The following PPIG variants were observed in gnomAD, a reference collection of about 807,000 sequenced individuals.
PPIG encodes peptidyl-prolyl cis-trans isomerase G.
PPIG carries 26 observed loss-of-function variants against 87.9 expected under a neutral mutation model. The ratio of observed to expected loss-of-function variants is 0.30; its 90% CI spans 0.22 to 0.41. The LOEUF (loss-of-function observed/expected upper bound fraction) is 0.41. Ranked by LOEUF, PPIG falls within the 10% of genes least tolerant of loss-of-function variation. The pLI, the probability that PPIG is intolerant of heterozygous loss-of-function variation, is 1.00. For synonymous variants in PPIG, 308 were observed against 276.5 expected, an observed-to-expected ratio of 1.11 and a Z score of -1.13; for missense variants, 722 against 879.4, an observed-to-expected ratio of 0.82 and a Z score of 2.26.
Position 169,636,682 on chromosome 2 carries a change from C to T in PPIG, c.1424C>T (p.Ser475Leu). 1.2e-6 allele frequency: 2 copies of T among 1,607,016 alleles called. No homozygotes were observed. The highest frequency in any genetic ancestry group is 1.1e-5 in the South Asian group (1 of 89,032). The change falls in exon 14 of 14, where the codon TCA becomes TTA. Residue 475 changes from serine to leucine, a missense_variant. Physicochemically the swap from Ser to Leu is moderately radical, Grantham distance 145. Transcript: ENST00000260970. ...AAATCAAAGAGTAAAGAAAGAGATT[C>T]AAAACATAATAGAAATGAAGAAAAG... ...KEKSKSKERD[S>L]KHNRNEEKRM...
intron 2 of PPIG, 38 bp from the exon 3 acceptor site, chr2:169,603,988 T>C (rs1381262091): frequency 2.0e-6 from 3 of 1,510,952 alleles, no homozygotes; most frequent in Non-Finnish European, 1.8e-6. Context: ...ATCTTTGCTA[T>C]TTTAGTCTGC....
In PPIG at chr2:169,635,004, T is replaced by C. The variant is rs141692303; in HGVS notation, c.1018-1088T>C. Among the ~76,000 whole-genome samples, 67 of 152,248 alleles carry C rather than the reference T, an allele frequency of 4.4e-4. 1 individual carries two copies. Among genetic ancestry groups the C allele is most frequent in the African/African-American group, 1.4e-3 (59 of 41,544 alleles). ...ATATAAGCACACATTCCATTAGCTG[T>C]GAAAGTAATGATATCAAAACATGTA... On this transcript the variant is annotated intron_variant, in intron 12 of 13. Coordinates refer to ENST00000260970, the MANE Select transcript of PPIG (RefSeq NM_004792.3).
intron 9 of PPIG, among the ~76,000 whole-genome samples, chr2:169,626,648 C>A (rs779922839): frequency 1.3e-5 from 2 of 151,816 alleles, no homozygotes. Context: ...CTTTGGCCTT[C>A]CAAAGTGCTG....
intron 9 of PPIG, among the ~76,000 whole-genome samples, chr2:169,622,956 A>G (rs1685796062): frequency 6.6e-6 from 1 of 152,194 alleles, no homozygotes; most frequent in Admixed American, 6.5e-5. Flanking sequence ...TTCCTGAAAG[A>G]AAACAAAAAG....
chr2:169,586,215 A>G (rs1344842916), intron 1 of PPIG, among the ~76,000 whole-genome samples: 3 of 151,990 alleles, frequency 2.0e-5, no homozygotes, highest in Non-Finnish European at 1.5e-5. Context: ...AGGGTCTTGT[A>G]GTAGGATTCT....
At chr2:169,631,063 A>G (rs1574463967) in intron 10 of PPIG, 76 bp downstream of exon 10, 15 of 1,307,142 alleles carry the variant, frequency 1.1e-5, no homozygotes, top group African/African-American at 1.5e-5. Flanking sequence ...TTTTGGGTCA[A>G]TTATATGAAA....
At chr2:169,608,114 T>C (rs900237892) in intron 6 of PPIG, among the ~76,000 whole-genome samples, 1 of 152,122 alleles carries the variant, frequency 6.6e-6, no homozygotes, top group Non-Finnish European at 1.5e-5. Context: ...AGGACAAATA[T>C]AAATGGAAAG....
At chr2:169,628,671 A>G (rs1346816395) in intron 9 of PPIG, among the ~76,000 whole-genome samples, 1 of 152,020 alleles carries the variant, frequency 6.6e-6, no homozygotes, top group African/African-American at 2.4e-5. Context: ...TAGGCATGGT[A>G]GCCCACACCT....
chr2:169,631,582 G>C (rs1402452081), intron 10 of PPIG, 184 bp from the exon 11 acceptor site: 7 of 1,363,966 alleles, frequency 5.1e-6, no homozygotes, highest in Non-Finnish European at 5.6e-6. Context: ...TGTTTTGTTT[G>C]TTTTTTGATT....
intron 1 of PPIG, among the ~76,000 whole-genome samples, chr2:169,597,416 C>G (rs1685048521): frequency 6.6e-6 from 1 of 152,134 alleles, no homozygotes; most frequent in Non-Finnish European, 1.5e-5. Context: ...ACCTGATCCT[C>G]CTGAGTAGCT....
Position 169,604,074 on chromosome 2 carries a change from T to G in PPIG, c.33T>G (p.Phe11Leu). 2 of 1,613,946 alleles carry G rather than the reference T, an allele frequency of 1.2e-6. No homozygotes were observed. Among genetic ancestry groups the G allele is most frequent in the East Asian group, 2.2e-5 (1 of 44,860 alleles). Residue 11 changes from phenylalanine (F) to leucine (L), a missense_variant, in exon 3 of 14, where the codon TTT becomes TTG. Coordinates refer to ENST00000260970, the MANE Select transcript of PPIG (RefSeq NM_004792.3). MGIKVQRPRC[F>L]FDIAINNQPA... The stretch of plus-strand genomic sequence containing the variant: ...TAAAGGTTCAACGTCCTCGATGTTT[T>G]TTTGACATTGCCATTAACAATCAAC...
Position 169,637,552 on chromosome 2 carries a change from G to T in PPIG, c.*29G>T. On this transcript the variant is annotated 3_prime_UTR_variant, in exon 14 of 14. Transcript: ENST00000260970. ...AGTTATATAAACTTACTTCCATTCT[G>T]TTTCGGATTTTAAGTTTGAGAGACT... 6.7e-7 allele frequency: 1 copy of T among 1,495,152 alleles called. No homozygotes were observed. The highest frequency in any genetic ancestry group is 8.9e-7 in the Non-Finnish European group (1 of 1,128,992). 92.6% of individuals were successfully genotyped at this position (1,495,152 alleles called of 1,614,324 possible).
At chr2:169,631,967 T>C in intron 11 of PPIG, 34 bp downstream of exon 11, 1 of 1,518,092 alleles carries the variant, frequency 6.6e-7, no homozygotes, top group Non-Finnish European at 8.9e-7. Flanking sequence ...CTTACATGGT[T>C]TACCATAGAA....
At chr2:169,624,992 T>C (rs905179287) in intron 9 of PPIG, among the ~76,000 whole-genome samples, 1 of 152,198 alleles carries the variant, frequency 6.6e-6, no homozygotes, top group Non-Finnish European at 1.5e-5. Flanking sequence ...ATTGTATATA[T>C]TTATGGTATA....
chr2:169,602,402 A>T (rs1262045411), intron 1 of PPIG, among the ~76,000 whole-genome samples: 1 of 151,896 alleles, frequency 6.6e-6, no homozygotes, highest in Non-Finnish European at 1.5e-5. Context: ...TGCAACCTCT[A>T]CCTCCCGGGC....
In PPIG at chr2:169,628,939, CAAAAAAAAA is replaced by C. The variant is rs71006010; in HGVS notation, c.548-1814_548-1806del. Among the ~76,000 whole-genome samples, 473 of 92,262 alleles carry C rather than the reference CAAAAAAAAA, an allele frequency of 5.1e-3. 5 individuals are homozygous for C. Among genetic ancestry groups the C allele is most frequent in the East Asian group, 5.7e-3 (13 of 2,294 alleles). The allele number at this position is 92,262 out of a possible 152,430, so 60.5% of individuals were successfully genotyped here. A position where few individuals can be genotyped will look rare whatever the true frequency, so the allele number is the denominator to read the frequency against. On this transcript the variant is annotated intron_variant, in intron 9 of 13. Coordinates refer to ENST00000260970, the MANE Select transcript of PPIG (RefSeq NM_004792.3). ...GGGCAACAGAGCAAGACCCTGTCTC[CAAAAAAAAA>C]AAAAAAAAAAAAAAAAAAAAGGCAA...
At position 169,606,064 on chromosome 2, in the gene PPIG, T is replaced by G. The variant is rs34753364; in HGVS notation, c.162T>G (p.Thr54=). 1 of 1,612,482 alleles carries G rather than the reference T, an allele frequency of 6.2e-7. No homozygotes were observed. Among genetic ancestry groups the G allele is most frequent in the Non-Finnish European group, 8.5e-7 (1 of 1,178,680 alleles). ...GTGAAAAGGGGACCGGGAAATCAAC[T>G]CAGAAACCATTACATTATAAGAGTT... ...CTGEKGTGKS[T]QKPLHYKSCL... is the part of the protein sequence containing the mutation. The change falls in exon 5 of 14, where the codon ACT becomes ACG. Residue 54 remains threonine (T), a synonymous_variant. Transcript: ENST00000260970.
Position 169,631,861 on chromosome 2 carries a change from T to A in PPIG, c.857T>A (p.Leu286Gln). ...CCTCCTATACCTGAAAATAGATTCC[T>A]AATGAGAAAAAGTCCTCCTAAAGCT... The part of the protein sequence containing the change: ...EIPPIPENRF[L>Q]MRKSPPKADE... The change falls in exon 11 of 14, where the codon CTA becomes CAA. Residue 286 changes from leucine (L) to glutamine (Q), a missense_variant. Around this residue, in one of 4 missense-constraint regions of PPIG, gnomAD observed 142 missense variants for 152.8 expected, o/e 0.93. Transcript: ENST00000260970. 6.2e-7 allele frequency: 1 copy of A among 1,613,222 alleles called. No individual in the cohort carries two copies. The highest frequency in any genetic ancestry group is 8.5e-7 in the Non-Finnish European group (1 of 1,179,444).
intron 1 of PPIG, among the ~76,000 whole-genome samples, chr2:169,593,471 T>G (rs1166893837): frequency 6.6e-6 from 1 of 151,966 alleles, no homozygotes; most frequent in Non-Finnish European, 1.5e-5. Flanking sequence ...AGCAGTACAT[T>G]TATTAAAGAA....
Sources: allele counts gnomAD v4.1 joint callset (sites outside exome capture counted in the v4.1 genomes callset), GRCh38; gene constraint gnomAD v4.1.1; regional missense constraint gnomAD v4.1.1; transcripts MANE v1.5; gene names NCBI Gene and HGNC (gene_info 2026-07-23, HGNC 2026-07-21).